Variants in SERPINB2 observed in about 807,000 individuals in gnomAD.
SERPINB2 encodes serpin family B member 2.
A neutral mutation model predicts 39.4 loss-of-function variants in SERPINB2; 28 were observed. That is an observed-to-expected ratio of 0.71 (90% CI 0.53 to 0.97). The LOEUF is 0.97. SERPINB2 is among the 50% of genes least tolerant of loss of function. The pLI is 0.00. For missense variants in SERPINB2, 557 were observed against 505.3 expected (o/e 1.10, Z -0.98); for synonymous variants, 209 against 175.1 (o/e 1.19, Z -1.53).
chr18:63,894,932 C>T (rs1441718316), intron 2 of SERPINB2, among the ~76,000 whole-genome samples: 1 of 151,718 alleles, frequency 6.6e-6, no homozygotes, highest in Non-Finnish European at 1.5e-5. Context: ...AAAATACTGG[C>T]ATTTTTTTTT....
chr18:63,888,277 A>G (rs755366525), intron 1 of SERPINB2, among the ~76,000 whole-genome samples: 3 of 152,238 alleles, frequency 2.0e-5, no homozygotes, highest in Non-Finnish European at 4.4e-5. Context: ...GTACAACAAT[A>G]TGTTTATTGA....
At position 63,901,884 on chromosome 18, in the gene SERPINB2, T is replaced by C. The variant is rs1165183626; in HGVS notation, c.678+2T>C. On this transcript the variant is annotated splice_donor_variant, in intron 6 of 7. Transcript: ENST00000299502. LOFTEE classifies it high-confidence loss of function. ...CTTTATCCTTTCCGTGTAAACTCGG[T>C]ATGAGACAACAAAATACATCTTCCT... 1 of 1,593,980 alleles carries C rather than the reference T, an allele frequency of 6.3e-7. No individual in the cohort carries two copies. The highest frequency in any genetic ancestry group is 1.2e-5 in the South Asian group (1 of 86,448).
chr18:63,889,234 ATAT>A (rs1375087972), intron 1 of SERPINB2, among the ~76,000 whole-genome samples: 1 of 152,272 alleles, frequency 6.6e-6, no homozygotes, highest in Non-Finnish European at 1.5e-5. Flanking sequence ...CAGACATCAA[ATAT>A]TATTTTTACA....
Position 63,899,261 on chromosome 18 carries a change from T to C in SERPINB2, c.535+1417T>C, listed in dbSNP as rs147313879. ...TCACAAGTCACATTAGTGTTAGCCA[T>C]ATATGGCCTTAAACAATTATGGAAC... is the stretch of plus-strand genomic sequence containing the variant. On this transcript the variant is annotated intron_variant, in intron 5 of 7. Coordinates refer to ENST00000299502, the MANE Select transcript of SERPINB2 (RefSeq NM_002575.3). 2.6e-5 allele frequency among the ~76,000 whole-genome samples: 4 copies of C among 152,076 alleles called. No individual in the cohort carries two copies. In the East Asian group the frequency reaches 5.8e-4, roughly 22 times the overall value.
At position 63,897,125 on chromosome 18, in the gene SERPINB2, G is replaced by T. The variant is rs541925659; in HGVS notation, c.323G>T (p.Arg108Leu). Residue 108 changes from arginine (R) to leucine (L), a missense_variant, in exon 4 of 8, where the codon CGC becomes CTC. By Grantham distance (102) the Arg-to-Leu change is moderately radical. Transcript: ENST00000299502. ...GCAGATAAAATCCATTCATCCTTCC[G>T]CTCTCTCAGCTCTGCAATCAATGCA... ...QAADKIHSSFRSLSSAINAST... is the reference protein window; with the variant it reads ...QAADKIHSSFLSLSSAINAST... 1.2e-6 allele frequency: 2 copies of T among 1,612,580 alleles called. No homozygotes were observed. The highest frequency in any genetic ancestry group is 1.1e-5 in the South Asian group (1 of 90,924).
At chr18:63,894,581 C>T (rs566209235) in intron 2 of SERPINB2, among the ~76,000 whole-genome samples, 4 of 152,230 alleles carry the variant, frequency 2.6e-5, no homozygotes, top group South Asian at 2.1e-4. Context: ...CAGACCAAGG[C>T]GGGCAGGCAG....
chr18:63,893,545 A>G (rs1340262455), intron 2 of SERPINB2, among the ~76,000 whole-genome samples: 1 of 152,222 alleles, frequency 6.6e-6, no homozygotes. Context: ...AGAAAAAGAC[A>G]TTTATTGGCT....
chr18:63,901,883 G>T lies in SERPINB2; in HGVS notation c.678+1G>T, dbSNP rs1458611021. On this transcript the variant is annotated splice_donor_variant, in intron 6 of 7. Transcript: ENST00000299502. LOFTEE classifies it high-confidence loss of function. ...GCTTTATCCTTTCCGTGTAAACTCG[G>T]TATGAGACAACAAAATACATCTTCC... 1 of 1,593,396 alleles carries T rather than the reference G, an allele frequency of 6.3e-7. No individual in the cohort carries two copies. Among genetic ancestry groups the T allele is most frequent in the South Asian group, 1.2e-5 (1 of 86,306 alleles).
Position 63,903,452 on chromosome 18 carries a change from A to G in SERPINB2, c.*147A>G. 1 of 644,620 alleles carries G rather than the reference A, an allele frequency of 1.6e-6. No individual in the cohort carries two copies. Among genetic ancestry groups the G allele is most frequent in the Non-Finnish European group, 2.3e-6 (1 of 426,386 alleles). 39.9% of individuals were successfully genotyped at this position (644,620 alleles called of 1,614,324 possible). On this transcript the variant is annotated 3_prime_UTR_variant, in exon 8 of 8. Coordinates refer to ENST00000299502, the MANE Select transcript of SERPINB2 (RefSeq NM_002575.3). ...TCTGCTACCCACTAAATAAAAACAC[A>G]GAAATAATTAGACAATTGTCTATTA... is the stretch of plus-strand genomic sequence containing the variant.
At position 63,903,365 on chromosome 18, in the gene SERPINB2, C is replaced by T; in HGVS notation, c.*60C>T. 1.4e-6 allele frequency: 2 copies of T among 1,441,688 alleles called. No individual in the cohort carries two copies. Among genetic ancestry groups the T allele is most frequent in the East Asian group, 2.5e-5 (1 of 39,944 alleles). The allele number at this position is 1,441,688 out of a possible 1,614,324, so 89.3% of individuals were successfully genotyped here. A position where few individuals can be genotyped will look rare whatever the true frequency, so the allele number is the denominator to read the frequency against. On this transcript the variant is annotated 3_prime_UTR_variant, in exon 8 of 8. Transcript: ENST00000299502. ...AGATGAGCTGTGTGCCTCAGAATTG[C>T]TATTTCAAATTGCCAAAAATTTAGA...
At chr18:63,892,904 A>G (rs1472055835) in intron 2 of SERPINB2, among the ~76,000 whole-genome samples, 3 of 152,188 alleles carry the variant, frequency 2.0e-5, no homozygotes, top group Non-Finnish European at 4.4e-5. Flanking sequence ...CAAAAGCTTT[A>G]GAAACATCAG....
Position 63,891,525 on chromosome 18 carries a change from C to T in SERPINB2, c.81C>T (p.Asn27=), listed in dbSNP as rs780793345. Residue 27 remains asparagine, a synonymous_variant, in exon 2 of 8, where the codon AAC becomes AAT. Transcript: ENST00000299502. The part of the protein sequence containing the change: ...KHLAKASPTQ[N]LFLSPWSISS... ...TGGCAAAAGCAAGCCCCACCCAGAA[C>T]CTCTTCCTCTCCCCATGGAGCATCT... 1.2e-6 allele frequency: 2 copies of T among 1,614,226 alleles called. No homozygotes were observed. The highest frequency in any genetic ancestry group is 2.2e-5 in the East Asian group (1 of 44,888).
chr18:63,901,901 C>T lies in SERPINB2; in HGVS notation c.678+19C>T. The stretch of plus-strand genomic sequence containing the variant: ...AAACTCGGTATGAGACAACAAAATA[C>T]ATCTTCCTAGCATATATTTTAGGGC... On this transcript the variant is annotated intron_variant, in intron 6 of 7. Coordinates refer to ENST00000299502, the MANE Select transcript of SERPINB2 (RefSeq NM_002575.3). The T allele has an allele frequency of 5.7e-6, 9 of 1,589,016 alleles. No homozygotes were observed. The highest frequency in any genetic ancestry group is 1.9e-5 in the Admixed American group (1 of 52,890).
At chr18:63,900,927 G>A (rs1203624783) in intron 5 of SERPINB2, among the ~76,000 whole-genome samples, 1 of 152,116 alleles carries the variant, frequency 6.6e-6, no homozygotes, top group South Asian at 2.1e-4. Flanking sequence ...TGCTAACCTG[G>A]TGGTGTCCTT....
intron 5 of SERPINB2, among the ~76,000 whole-genome samples, chr18:63,898,445 T>C (rs536611523): frequency 6.6e-6 from 1 of 152,388 alleles, no homozygotes; most frequent in African/African-American, 2.4e-5. Context: ...AATTGAATCA[T>C]TTATTCATTG....
chr18:63,899,639 C>T (rs2049980453), intron 5 of SERPINB2, among the ~76,000 whole-genome samples: 1 of 152,142 alleles, frequency 6.6e-6, no homozygotes, highest in African/African-American at 2.4e-5. Context: ...TAGCCGGCTC[C>T]CCTAAGATCC....
At position 63,902,391 on chromosome 18, in the gene SERPINB2, T is replaced by C. The variant is rs2049997346; in HGVS notation, c.679-13T>C. ...ATAATCGACTTCCATATTTTACCTTTTAATAATATTAGGCTCAGCGCACAC... is the reference window on the plus strand; with the variant it reads ...ATAATCGACTTCCATATTTTACCTTCTAATAATATTAGGCTCAGCGCACAC... On this transcript the variant is annotated splice_polypyrimidine_tract_variant and intron_variant, in intron 6 of 7. Transcript: ENST00000299502. 3.3e-6 allele frequency: 5 copies of C among 1,533,418 alleles called. No homozygotes were observed. The Middle Eastern group carries it at 8.8e-4, about 268-fold the overall frequency. The allele number at this position is 1,533,418 out of a possible 1,614,324, so 95.0% of individuals were successfully genotyped here. A position where few individuals can be genotyped will look rare whatever the true frequency, so the allele number is the denominator to read the frequency against.
intron 1 of SERPINB2, chr18:63,890,754 G>A (rs2049920530): frequency 6.6e-6 from 1 of 152,116 alleles, no homozygotes; most frequent in Non-Finnish European, 1.5e-5. Flanking sequence ...GTCTTTTTTA[G>A]TAAGGCTGTG....
At chr18:63,891,112 T>C (rs1441463790) in intron 1 of SERPINB2, among the ~76,000 whole-genome samples, 1 of 152,212 alleles carries the variant, frequency 6.6e-6, no homozygotes, top group Non-Finnish European at 1.5e-5. Context: ...CTGCTCATCA[T>C]ACAAAACACT....
Sources: gnomAD v4.1 joint callset for allele counts (sites outside exome capture counted in the v4.1 genomes callset) on GRCh38, gnomAD v4.1.1 for gene constraint, MANE v1.5 for transcripts, NCBI Gene and HGNC (gene_info 2026-07-23, HGNC 2026-07-21) for gene names.